Variants in ASCC2 observed in about 807,000 individuals in gnomAD.
The protein encoded by ASCC2 is activating signal cointegrator 1 complex subunit 2, also known as ASC-1 complex subunit P100.
A neutral mutation model predicts 93.5 loss-of-function variants in ASCC2; 42 were observed. The ratio of observed to expected loss-of-function variants is 0.45; its 90% CI spans 0.35 to 0.58. The LOEUF is 0.58. Among genes scored for constraint, ASCC2 ranks in the 20% least tolerant of loss-of-function variants. ASCC2 has a pLI of 0.00. For missense variants in ASCC2, 859 were observed against 977.6 expected (o/e 0.88, Z 1.62); for synonymous variants, 364 against 384.2 (o/e 0.95, Z 0.62).
At chr22:29,834,798 T>C (rs2063571792) in intron 1 of ASCC2, among the ~76,000 whole-genome samples, 2 of 152,096 alleles carry the variant, frequency 1.3e-5, no homozygotes, top group African/African-American at 2.4e-5. Context: ...CCCAGGTCTT[T>C]TGCTAGGGCA....
At chr22:29,805,042 A>G (rs2059519611) in intron 12 of ASCC2, among the ~76,000 whole-genome samples, 1 of 152,192 alleles carries the variant, frequency 6.6e-6, no homozygotes, top group Admixed American at 6.5e-5. Flanking sequence ...TTCACTCAGC[A>G]GAAAGCAGCT....
At chr22:29,805,002 C>T (rs972522588) in intron 12 of ASCC2, among the ~76,000 whole-genome samples, 172 bp from the exon 13 acceptor site, 1 of 152,200 alleles carries the variant, frequency 6.6e-6, no homozygotes, top group African/African-American at 2.4e-5. Context: ...GGCCAGACTA[C>T]AGCCACTCTG....
intron 6 of ASCC2, chr22:29,815,029 C>G (rs2147986324): frequency 2.9e-6 from 1 of 341,794 alleles, no homozygotes; most frequent in Non-Finnish European, 5.3e-6. Flanking sequence ...GGTGTGGTGG[C>G]TCACTCCTGT....
At chr22:29,827,443 C>T in intron 2 of ASCC2, 1 of 371,672 alleles carries the variant, frequency 2.7e-6, no homozygotes, top group Non-Finnish European at 5.6e-6. Flanking sequence ...GGTCAGCCTC[C>T]TCAAGAACCA....
intron 12 of ASCC2, among the ~76,000 whole-genome samples, chr22:29,805,245 G>C (rs1019264050): frequency 6.6e-6 from 1 of 152,238 alleles, no homozygotes; most frequent in African/African-American, 2.4e-5. Context: ...AAGCAGGACT[G>C]AGCAATCTAC....
At chr22:29,828,994 G>A (rs1463204492) in intron 2 of ASCC2, among the ~76,000 whole-genome samples, 1 of 152,082 alleles carries the variant, frequency 6.6e-6, no homozygotes, top group Admixed American at 6.5e-5. Context: ...GGCCAACACT[G>A]TGAAATCCCA....
chr22:29,810,729 T>C (rs2060187845), intron 8 of ASCC2, among the ~76,000 whole-genome samples: 1 of 151,954 alleles, frequency 6.6e-6, no homozygotes, highest in Non-Finnish European at 1.5e-5. Context: ...AAAGTTATTC[T>C]TTGTAATTTT....
chr22:29,801,251 T>C (rs2059043553), intron 14 of ASCC2, 141 bp from the exon 15 acceptor site: 1 of 1,156,880 alleles, frequency 8.6e-7, no homozygotes, highest in Admixed American at 2.8e-5. Context: ...TCTCAAAACC[T>C]TGAAGAGGGA....
In ASCC2 at chr22:29,814,183, G is replaced by T. The variant is rs533679601; in HGVS notation, c.720+474C>A. Among the ~76,000 whole-genome samples the T allele has an allele frequency of 5.3e-5, 8 of 152,342 alleles. No individual in the cohort carries two copies. In the East Asian group the frequency reaches 1.5e-3, roughly 29 times the overall value. The stretch of plus-strand genomic sequence containing the variant: ...TATCTCCAGGGCTAGGGCAGCACCT[G>T]ACACATGTTGAGGCTTCCTGAATGT... On this transcript the variant is annotated intron_variant, in intron 7 of 19. Coordinates refer to ENST00000307790, the MANE Select transcript of ASCC2 (RefSeq NM_032204.5).
intron 1 of ASCC2, among the ~76,000 whole-genome samples, chr22:29,837,052 T>C (rs59542747): frequency 0.061 from 9,274 of 152,252 alleles, 944 homozygotes; most frequent in African/African-American, 0.21. Context: ...CATGAAGCTG[T>C]GGCAGCATTT....
chr22:29,795,495 T>C (rs1329895436), intron 15 of ASCC2, among the ~76,000 whole-genome samples: 4 of 152,142 alleles, frequency 2.6e-5, no homozygotes, highest in African/African-American at 9.7e-5. Flanking sequence ...CTGACTGAGC[T>C]CAAGGGAGCC....
At chr22:29,824,551 G>A (rs2062037431) in intron 4 of ASCC2, among the ~76,000 whole-genome samples, 1 of 152,028 alleles carries the variant, frequency 6.6e-6, no homozygotes, top group South Asian at 2.1e-4. Flanking sequence ...GGAGACTGAA[G>A]CTGCAATGAG....
intron 15 of ASCC2, among the ~76,000 whole-genome samples, chr22:29,794,763 G>T (rs1054605024): frequency 6.6e-6 from 1 of 152,214 alleles, no homozygotes; most frequent in Admixed American, 6.5e-5. Flanking sequence ...GATGCGGAAA[G>T]AATTCTCACT....
chr22:29,797,824 G>GGTGT (rs2058617794), intron 15 of ASCC2, among the ~76,000 whole-genome samples: 1 of 152,190 alleles, frequency 6.6e-6, no homozygotes, highest in South Asian at 2.1e-4. Flanking sequence ...GGCGTGCAAT[G>GGTGT]GTGTGATCCT....
chr22:29,830,882 C>A (rs1602267741), intron 2 of ASCC2, among the ~76,000 whole-genome samples: 3 of 152,314 alleles, frequency 2.0e-5, no homozygotes, highest in Admixed American at 2.0e-4. Flanking sequence ...ATCGCTCTCA[C>A]AATGCCTGCA....
In ASCC2 at chr22:29,811,618, G is replaced by C. The variant is rs1009853293; in HGVS notation, c.833+1812C>G. Among the ~76,000 whole-genome samples the C allele has an allele frequency of 2.0e-5, 3 of 152,170 alleles. 1 individual carries two copies. Among genetic ancestry groups the C allele is most frequent in the Admixed American group, 2.0e-4 (3 of 15,274 alleles). On this transcript the variant is annotated intron_variant, in intron 8 of 19. Transcript: ENST00000307790. The stretch of plus-strand genomic sequence containing the variant: ...TGGCCTCCAGCACAGTTGGAGGCTG[G>C]GTCAGCCCCAGGGTGTTCGTGGGTC...
intron 4 of ASCC2, among the ~76,000 whole-genome samples, chr22:29,824,364 C>T (rs1422392528): frequency 1.3e-5 from 2 of 151,684 alleles, no homozygotes; most frequent in African/African-American, 2.4e-5. Context: ...CCTGTAATTC[C>T]AGCACTTTGG....
chr22:29,818,384 C>T (rs1017944714), intron 5 of ASCC2, among the ~76,000 whole-genome samples: 1 of 92,324 alleles, frequency 1.1e-5, no homozygotes, highest in African/African-American at 3.9e-5. Flanking sequence ...CAGGTCCCTT[C>T]TCTGCATCAC....
At chr22:29,832,501 C>A in intron 1 of ASCC2, 159 bp from the exon 2 acceptor site, 1 of 544,288 alleles carries the variant, frequency 1.8e-6, no homozygotes, top group South Asian at 2.7e-5. Context: ...CCTACTAACC[C>A]AGCCAAAGTG....
Sources: allele counts gnomAD v4.1 joint callset (sites outside exome capture counted in the v4.1 genomes callset), GRCh38; gene constraint gnomAD v4.1.1; transcripts MANE v1.5; gene names NCBI Gene and HGNC (gene_info 2026-07-23, HGNC 2026-07-21).